Variants in CLEC5A observed in about 807,000 individuals in gnomAD.
CLEC5A encodes C-type lectin domain family 5 member A.
A neutral mutation model predicts 24.4 loss-of-function variants in CLEC5A; 15 were observed. The observed-to-expected ratio is 0.62, with a 90% CI of 0.41 to 0.95. The LOEUF (loss-of-function observed/expected upper bound fraction) is 0.95. CLEC5A is among the 40% of genes least tolerant of loss of function. The pLI, the probability that CLEC5A is intolerant of heterozygous loss-of-function variation, is 0.00. For synonymous variants in CLEC5A, 71 were observed against 72.6 expected (o/e 0.98, Z 0.11); for missense variants, 211 against 224.0 (o/e 0.94, Z 0.37).
At chr7:141,943,795 C>CA (rs1286354157) in intron 4 of CLEC5A, 101 bp downstream of exon 4, 4 of 846,436 alleles carry the variant, frequency 4.7e-6, no homozygotes, top group Admixed American at 1.9e-5. Context: ...TCCCTTTGAG[C>CA]AAAAAAATTC....
At chr7:141,933,594 AT>A in intron 5 of CLEC5A, among the ~76,000 whole-genome samples, 1 of 82,714 alleles carries the variant, frequency 1.2e-5, no homozygotes, top group Non-Finnish European at 2.9e-5. Flanking sequence ...ATATATATAT[AT>A]ATATATATAT....
chr7:141,946,117 G>T, intron 2 of CLEC5A, 97 bp downstream of exon 2: 3 of 1,330,784 alleles, frequency 2.3e-6, no homozygotes, highest in Non-Finnish European at 3.1e-6. Context: ...GGAAAGACTT[G>T]GATATGTAAC....
intron 4 of CLEC5A, chr7:141,936,159 G>T: frequency 1.8e-6 from 1 of 560,594 alleles, no homozygotes; most frequent in South Asian, 2.2e-5. Context: ...CGCAGTGGCT[G>T]AATAAAGTTT....
chr7:141,945,796 A>G (rs1554442080), intron 2 of CLEC5A: 1 of 312,936 alleles, frequency 3.2e-6, no homozygotes, highest in African/African-American at 2.2e-5. Flanking sequence ...ATTTATATGT[A>G]TACAAAGAGA....
chr7:141,940,492 A>C (rs923337179), intron 4 of CLEC5A, among the ~76,000 whole-genome samples: 1 of 151,894 alleles, frequency 6.6e-6, no homozygotes, highest in Admixed American at 6.6e-5. Flanking sequence ...AAAAACTTCA[A>C]ACCAAAAACC....
At chr7:141,946,418 G>A in intron 1 of CLEC5A, 106 bp from the exon 2 acceptor site, 1 of 992,452 alleles carries the variant, frequency 1.0e-6, no homozygotes, top group Non-Finnish European at 1.5e-6. Flanking sequence ...AGGCAGGCTT[G>A]GAAGACAGGC....
intron 5 of CLEC5A, among the ~76,000 whole-genome samples, chr7:141,935,126 CAGG>C (rs1257122861): frequency 6.6e-6 from 1 of 152,150 alleles, no homozygotes; most frequent in Non-Finnish European, 1.5e-5. Context: ...TTCTAAATCA[CAGG>C]AGGACTTTCT....
Position 141,930,000 on chromosome 7 carries a change from C to A in CLEC5A, c.*104G>T. ...GCTCAGTTTCCCAAATGGGCAAGGA[C>A]CGCTACTGGTAGACAGATAGGTAAG... On this transcript the variant is annotated 3_prime_UTR_variant, in exon 7 of 7. Coordinates refer to ENST00000546910, the MANE Select transcript of CLEC5A (RefSeq NM_013252.3). The A allele has an allele frequency of 1.2e-6, 1 of 827,886 alleles. No individual in the cohort carries two copies. The highest frequency in any genetic ancestry group is 1.9e-6 in the Non-Finnish European group (1 of 524,982). The allele number at this position is 827,886 out of a possible 1,614,324, so 51.3% of individuals were successfully genotyped here. A position where few individuals can be genotyped will look rare whatever the true frequency, so the allele number is the denominator to read the frequency against.
chr7:141,928,878 A>G lies in CLEC5A; in HGVS notation c.*1226T>C, dbSNP rs1013036213. 1 of 152,134 alleles carries G rather than the reference A, an allele frequency of 6.6e-6. No individual in the cohort carries two copies. Among genetic ancestry groups the G allele is most frequent in the East Asian group, 1.9e-4 (1 of 5,180 alleles). The allele number at this position is 152,134 out of a possible 1,614,324, so 9.4% of individuals were successfully genotyped here. On this transcript the variant is annotated 3_prime_UTR_variant, in exon 7 of 7. Transcript: ENST00000546910. ...CTTATGGTTTAATTATTCTTACTCA[A>G]AACACAAAAGGCATCTCTTTTCTCT... is the stretch of plus-strand genomic sequence containing the variant.
intron 4 of CLEC5A, among the ~76,000 whole-genome samples, chr7:141,942,770 C>G (rs1008560601): frequency 6.6e-6 from 1 of 152,042 alleles, no homozygotes; most frequent in African/African-American, 2.4e-5. Context: ...GGCAAAAGAT[C>G]TGAATAGACA....
Position 141,930,062 on chromosome 7 carries a change from A to C in CLEC5A, c.*42T>G. ...TTGGCCAGACGACCTGTATGGATTCAAAAAGAGTTGCAAGTATAGTTCTTG... is the reference window on the plus strand; with the variant it reads ...TTGGCCAGACGACCTGTATGGATTCCAAAAGAGTTGCAAGTATAGTTCTTG... On this transcript the variant is annotated 3_prime_UTR_variant, in exon 7 of 7. Coordinates refer to ENST00000546910, the MANE Select transcript of CLEC5A (RefSeq NM_013252.3). 6.7e-7 allele frequency: 1 copy of C among 1,497,468 alleles called. No individual in the cohort carries two copies. Among genetic ancestry groups the C allele is most frequent in the Non-Finnish European group, 9.3e-7 (1 of 1,076,912 alleles). 92.8% of individuals were successfully genotyped at this position (1,497,468 alleles called of 1,614,324 possible).
intron 6 of CLEC5A, 89 bp from the exon 7 acceptor site, chr7:141,930,307 T>C: frequency 1.0e-6 from 1 of 969,174 alleles, no homozygotes; most frequent in Non-Finnish European, 1.6e-6. Context: ...CTCTTCCTGA[T>C]TCCAGAGTGA....
chr7:141,936,244 A>G (rs1554441081), intron 4 of CLEC5A: 5 of 377,196 alleles, frequency 1.3e-5, no homozygotes, highest in African/African-American at 1.1e-4. Flanking sequence ...TACATACATG[A>G]GAACAAAAAA....
In CLEC5A at chr7:141,931,738, T is replaced by A; in HGVS notation, c.434A>T (p.Asn145Ile). The A allele has an allele frequency of 6.3e-7, 1 of 1,581,504 alleles. No homozygotes were observed. The highest frequency in any genetic ancestry group is 8.7e-7 in the Non-Finnish European group (1 of 1,150,390). ...REEKRWRWIN[N>I]SVFNGNVTNQ... ...CACGTACTTGCCATTGAACACAGAG[T>A]TGTTGATCCAACGCCACCTTTTCTC... The change falls in exon 6 of 7, where the codon AAC becomes ATC. Residue 145 changes from asparagine (N) to isoleucine (I), a missense_variant. Coordinates refer to ENST00000546910, the MANE Select transcript of CLEC5A (RefSeq NM_013252.3).
rs148770187 is a variant in CLEC5A at position 141,935,359 on chromosome 7, G to GTTC, written c.345+454_345+455insGAA. Among the ~76,000 whole-genome samples the GTTC allele has an allele frequency of 4.3e-3, 655 of 152,214 alleles. 5 individuals are homozygous for GTTC. The highest frequency in any genetic ancestry group is 0.015 in the African/African-American group (630 of 41,514). Reference sequence around the variant, plus strand: ...ATCATGATCATCAACTGCAAATTCAGTATGACCTGATTCTTACTTTTTCAC... The same window carrying GTTC: ...ATCATGATCATCAACTGCAAATTCAGTTCTATGACCTGATTCTTACTTTTTCAC... On this transcript the variant is annotated intron_variant, in intron 5 of 6. Transcript: ENST00000546910.
chr7:141,946,079 C>T, intron 2 of CLEC5A, 135 bp downstream of exon 2: 2 of 887,200 alleles, frequency 2.3e-6, no homozygotes, highest in Non-Finnish European at 3.5e-6. Context: ...TGCCAATTGA[C>T]CTCAGGTTGG....
intron 4 of CLEC5A, among the ~76,000 whole-genome samples, chr7:141,941,343 T>C (rs1802792501): frequency 6.6e-6 from 1 of 152,170 alleles, no homozygotes; most frequent in African/African-American, 2.4e-5. Flanking sequence ...ATCATTTCAA[T>C]TGATGCTGAT....
chr7:141,945,394 T>G lies in CLEC5A; in HGVS notation c.86A>C (p.Gln29Pro). 6.2e-7 allele frequency: 1 copy of G among 1,612,576 alleles called. No individual in the cohort carries two copies. Among genetic ancestry groups the G allele is most frequent in the South Asian group, 1.1e-5 (1 of 91,056 alleles). Residue 29 changes from glutamine (Q) to proline (P), a missense_variant, in exon 3 of 7, where the codon CAG (glutamine) becomes CCG (proline). Gln to Pro is a moderately conservative substitution (Grantham distance 76). Transcript: ENST00000546910. ...ACCATCGTTACTTTTGTTAAAAATC[T>G]GTGGGACTGAAAAGAAAATCAGCTG... ...GMTLFLLYFP[Q>P]IFNKSNDGFT...
In CLEC5A at chr7:141,931,796, T is replaced by C; in HGVS notation, c.376A>G (p.Lys126Glu). 6.2e-7 allele frequency: 1 copy of C among 1,604,044 alleles called. No homozygotes were observed. Among genetic ancestry groups the C allele is most frequent in the Non-Finnish European group, 8.5e-7 (1 of 1,171,562 alleles). Residue 126 changes from lysine to glutamate, a missense_variant, in exon 6 of 7, where the codon AAG (lysine) becomes GAG (glutamate). By Grantham distance (56) the Lys-to-Glu change is moderately conservative. Coordinates refer to ENST00000546910, the MANE Select transcript of CLEC5A (RefSeq NM_013252.3). The stretch of plus-strand genomic sequence containing the variant: ...TGGTAAATTAAGCCAATAAAATACT[T>C]CTCAGCATCAGTTATGTCCTGAAGA... ...KFLQDITDAE[K>E]YFIGLIYHRE...
Sources: allele counts gnomAD v4.1 joint callset (sites outside exome capture counted in the v4.1 genomes callset), GRCh38; gene constraint gnomAD v4.1.1; transcripts MANE v1.5; gene names NCBI Gene and HGNC (gene_info 2026-07-23, HGNC 2026-07-21).